ITPR1: variants seen among roughly 807,000 people sequenced by gnomAD.
ITPR1 encodes the protein inositol 1,4,5-trisphosphate-gated calcium channel ITPR1.
A neutral mutation model predicts 318.4 loss-of-function variants in ITPR1; 96 were observed. The ratio of observed to expected loss-of-function variants is 0.30; its 90% CI spans 0.26 to 0.36. The LOEUF (loss-of-function observed/expected upper bound fraction) is 0.36. Among genes scored for constraint, ITPR1 ranks in the 10% least tolerant of loss-of-function variants. The pLI is 1.00. For synonymous variants in ITPR1, 1,312 were observed against 1,289.9 expected, an observed-to-expected ratio of 1.02 and a Z score of -0.37; for missense variants, 2,440 against 3,460.2, an observed-to-expected ratio of 0.71 and a Z score of 7.40.
In ITPR1 at chr3:4,604,397, A is replaced by T. The variant is rs112959109; in HGVS notation, c.164-23366A>T. Among the ~76,000 whole-genome samples the T allele has an allele frequency of 3.0e-3, 454 of 152,208 alleles. 4 individuals are homozygous for T. The highest frequency in any genetic ancestry group is 0.01 in the African/African-American group (423 of 41,546). On this transcript the variant is annotated intron_variant, in intron 4 of 61. Coordinates refer to ENST00000649015, the MANE Select transcript of ITPR1 (RefSeq NM_001378452.1). The stretch of plus-strand genomic sequence containing the variant: ...TGTAAAGCATGTCCCATTCCTGAGG[A>T]TGGGTCAAGGTATTTATAAAGGTGT...
At chr3:4,681,796 T>G (rs902892945) in intron 26 of ITPR1, among the ~76,000 whole-genome samples, 1 of 152,124 alleles carries the variant, frequency 6.6e-6, no homozygotes, top group African/African-American at 2.4e-5. Flanking sequence ...GTTAGTAAGA[T>G]CATGTCCTGC....
chr3:4,754,160 T>C (rs577857363), intron 44 of ITPR1, among the ~76,000 whole-genome samples: 1 of 151,974 alleles, frequency 6.6e-6, no homozygotes, highest in Non-Finnish European at 1.5e-5. Flanking sequence ...TGATTCATTG[T>C]CCCTCAGGTA....
chr3:4,608,085 A>C (rs1025636018), intron 4 of ITPR1, among the ~76,000 whole-genome samples: 5 of 152,166 alleles, frequency 3.3e-5, no homozygotes, highest in Non-Finnish European at 7.4e-5. Context: ...GAAACAGTTA[A>C]GGGCAGTTTG....
intron 4 of ITPR1, among the ~76,000 whole-genome samples, chr3:4,541,833 C>T (rs2084487267): frequency 6.6e-6 from 1 of 152,072 alleles, no homozygotes; most frequent in African/African-American, 2.4e-5. Flanking sequence ...ACCATGTTGG[C>T]CAGGATAGTC....
intron 2 of ITPR1, among the ~76,000 whole-genome samples, chr3:4,504,986 G>C (rs1215282621): frequency 6.7e-6 from 1 of 150,114 alleles, no homozygotes; most frequent in Admixed American, 6.7e-5. Context: ...TCCTGTGAAA[G>C]ACCTCATGGT....
At chr3:4,682,742 T>C (rs2094324113) in intron 26 of ITPR1, among the ~76,000 whole-genome samples, 1 of 152,222 alleles carries the variant, frequency 6.6e-6, no homozygotes, top group Non-Finnish European at 1.5e-5. Context: ...TTTATAAGTC[T>C]TCTCTGTGCT....
chr3:4,764,355 G>T (rs1335618868), intron 44 of ITPR1, among the ~76,000 whole-genome samples: 1 of 152,236 alleles, frequency 6.6e-6, no homozygotes. Context: ...CCAGTTATGG[G>T]GAGCCATAAA....
chr3:4,755,169 ATTT>A (rs35849657), intron 44 of ITPR1, among the ~76,000 whole-genome samples: 1,465 of 131,326 alleles, frequency 0.011, 20 homozygotes, highest in African/African-American at 0.037. Flanking sequence ...AATACCTTTA[ATTT>A]TTTTTTTTTT....
intron 4 of ITPR1, among the ~76,000 whole-genome samples, chr3:4,584,089 A>C (rs568068206): frequency 6.6e-6 from 1 of 152,140 alleles, no homozygotes; most frequent in African/African-American, 2.4e-5. Context: ...TATAAGAAAC[A>C]CATAATTTTG....
chr3:4,683,567 C>T lies in ITPR1; in HGVS notation c.3327+16C>T, dbSNP rs758873317. ...CTTCAAACAGGTAGCTCAGGTCACC[C>T]ACGTGTGTGTTGTCTGTCCAAGAAG... On this transcript the variant is annotated intron_variant, in intron 27 of 61. Coordinates refer to ENST00000649015, the MANE Select transcript of ITPR1 (RefSeq NM_001378452.1). 4 of 1,613,550 alleles carry T rather than the reference C, an allele frequency of 2.5e-6. No homozygotes were observed. The highest frequency in any genetic ancestry group is 1.1e-5 in the South Asian group (1 of 91,086).
chr3:4,535,836 G>T (rs564691691), intron 4 of ITPR1, among the ~76,000 whole-genome samples: 21 of 152,040 alleles, frequency 1.4e-4, no homozygotes, highest in Admixed American at 5.2e-4. Flanking sequence ...GTGATTAAGT[G>T]GGGCCAACGT....
intron 5 of ITPR1, among the ~76,000 whole-genome samples, chr3:4,634,883 C>T (rs918555657): frequency 6.6e-6 from 1 of 152,158 alleles, no homozygotes; most frequent in African/African-American, 2.4e-5. Flanking sequence ...GGATTACAGG[C>T]ATGCACCACC....
At position 4,639,467 on chromosome 3, in the gene ITPR1, C is replaced by T; in HGVS notation, c.363C>T (p.Ile121=). The change falls in exon 6 of 62, where the codon ATC becomes ATT. Residue 121 remains isoleucine, a synonymous_variant. Transcript: ENST00000649015. ...CCGTAATCCAGTATGGCAATGTGAT[C>T]CAGGTAGGTCAAGGCAGCTCTTCCC... ...LGTVIQYGNV[I]QLLHLKSNKY... is the part of the protein sequence containing the mutation. 6.4e-7 allele frequency: 1 copy of T among 1,573,804 alleles called. No individual in the cohort carries two copies. Among genetic ancestry groups the T allele is most frequent in the Non-Finnish European group, 8.6e-7 (1 of 1,157,904 alleles).
intron 52 of ITPR1, among the ~76,000 whole-genome samples, chr3:4,789,577 T>C (rs538478515): frequency 6.6e-6 from 1 of 150,810 alleles, no homozygotes; most frequent in Non-Finnish European, 1.5e-5. Flanking sequence ...ATTCCAGCTT[T>C]AGGGAATAAT....
rs1168921180 is a variant in ITPR1 at position 4,681,353 on chromosome 3, T to C, written c.3107-11T>C. 1 of 1,606,830 alleles carries C rather than the reference T, an allele frequency of 6.2e-7. No homozygotes were observed. Among genetic ancestry groups the C allele is most frequent in the Non-Finnish European group, 8.5e-7 (1 of 1,173,542 alleles). ...TTCCTGCATCTGAAGTGGTATGTTCTAACTTTTCAGGTGCTCTTGACTTTG... is the reference window on the plus strand; with the variant it reads ...TTCCTGCATCTGAAGTGGTATGTTCCAACTTTTCAGGTGCTCTTGACTTTG... On this transcript the variant is annotated splice_polypyrimidine_tract_variant and intron_variant, in intron 25 of 61. Transcript: ENST00000649015.
chr3:4,800,295 T>A lies in ITPR1; in HGVS notation c.6932-130T>A, dbSNP rs527651551. 4.9e-6 allele frequency: 4 copies of A among 810,510 alleles called. No individual in the cohort carries two copies. The African/African-American group carries it at 7.0e-5, about 14-fold the overall frequency. 50.2% of individuals were successfully genotyped at this position (810,510 alleles called of 1,614,324 possible). ...ACTGGTTATGGATGGGGCAGAGAAT[T>A]TGAGGTGAGAGTTGGGACTGGTAAG... On this transcript the variant is annotated intron_variant, in intron 53 of 61. Transcript: ENST00000649015.
intron 4 of ITPR1, among the ~76,000 whole-genome samples, chr3:4,536,729 A>G (rs1446533104): frequency 6.6e-6 from 1 of 152,248 alleles, no homozygotes; most frequent in Non-Finnish European, 1.5e-5. Context: ...ATGCAGTAAG[A>G]GAGCTTGCTG....
At chr3:4,841,536 T>C (rs1003875341) in intron 61 of ITPR1, among the ~76,000 whole-genome samples, 1 of 152,218 alleles carries the variant, frequency 6.6e-6, no homozygotes, top group African/African-American at 2.4e-5. Context: ...CAAAGATGAA[T>C]AGATCCTCTT....
chr3:4,618,028 C>A (rs1435905621), intron 4 of ITPR1, among the ~76,000 whole-genome samples: 1 of 151,788 alleles, frequency 6.6e-6, no homozygotes, highest in East Asian at 1.9e-4. Context: ...TATGCACATC[C>A]TTTAAAAAGT....
Sources: allele counts gnomAD v4.1 joint callset (sites outside exome capture counted in the v4.1 genomes callset), GRCh38; gene constraint gnomAD v4.1.1; transcripts MANE v1.5; gene names NCBI Gene and HGNC (gene_info 2026-07-23, HGNC 2026-07-21).